DISC1: variants seen among roughly 807,000 people sequenced by gnomAD.
DISC1 encodes the protein DISC1 scaffold protein.
In DISC1, 57 loss-of-function variants were observed where a neutral mutation model predicts 84.5. That is an observed-to-expected ratio of 0.67 (90% confidence interval 0.55 to 0.84). DISC1 has a LOEUF of 0.84. DISC1 is among the 40% of genes least tolerant of loss of function. The probability of loss-of-function intolerance (pLI) is 0.00; values close to 1 mark genes in which losing one functional copy is unlikely to be tolerated. For missense variants in DISC1, 1,000 were observed against 1,057.8 expected (o/e 0.95, Z 0.76); for synonymous variants, 411 against 415.2 (o/e 0.99, Z 0.12).
intron 9 of DISC1, among the ~76,000 whole-genome samples, chr1:231,875,380 T>C (rs1199136723): frequency 6.6e-6 from 1 of 152,072 alleles, no homozygotes; most frequent in Admixed American, 6.6e-5. Context: ...CAGCCGAGTG[T>C]TAGACAGCCA....
At chr1:231,959,572 T>A in intron 10 of DISC1, 1 of 875,530 alleles carries the variant, frequency 1.1e-6, no homozygotes, top group Non-Finnish European at 1.4e-6. Context: ...GTTAAGTAAC[T>A]CTTTAGATAG....
chr1:231,900,152 G>C (rs1231643085), intron 9 of DISC1, among the ~76,000 whole-genome samples: 1 of 152,170 alleles, frequency 6.6e-6, no homozygotes, highest in Non-Finnish European at 1.5e-5. Context: ...TTTCAGCAGG[G>C]ACTATAGTTT....
intron 10 of DISC1, among the ~76,000 whole-genome samples, chr1:232,005,101 C>T (rs939447389): frequency 7.1e-6 from 1 of 140,950 alleles, no homozygotes; most frequent in African/African-American, 2.6e-5. Flanking sequence ...TCCTCCTTTC[C>T]TCCTTTTCTT....
At chr1:231,955,026 G>T (rs1659181983) in intron 9 of DISC1, among the ~76,000 whole-genome samples, 1 of 152,192 alleles carries the variant, frequency 6.6e-6, no homozygotes, top group East Asian at 1.9e-4. Context: ...CTGAGATGAG[G>T]CAAATACTTA....
At chr1:231,824,839 G>C (rs1344012588) in intron 9 of DISC1, among the ~76,000 whole-genome samples, 1 of 152,064 alleles carries the variant, frequency 6.6e-6, no homozygotes, top group Non-Finnish European at 1.5e-5. Flanking sequence ...TGCTTCATAT[G>C]TAATACTGTA....
At chr1:232,030,875 G>A (rs973586439) in intron 12 of DISC1, among the ~76,000 whole-genome samples, 34 of 152,140 alleles carry the variant, frequency 2.2e-4, no homozygotes, top group African/African-American at 8.0e-4. Flanking sequence ...CACTTTGGGA[G>A]GCTGAGGTGG....
intron 9 of DISC1, among the ~76,000 whole-genome samples, chr1:231,841,925 T>C (rs1244200031): frequency 6.6e-6 from 1 of 152,238 alleles, no homozygotes; most frequent in Non-Finnish European, 1.5e-5. Flanking sequence ...AGATATTTAA[T>C]TCTTTTTGCA....
chr1:231,768,203 G>T (rs1187274499), intron 5 of DISC1, among the ~76,000 whole-genome samples: 1 of 152,156 alleles, frequency 6.6e-6, no homozygotes, highest in Non-Finnish European at 1.5e-5. Flanking sequence ...AAGCATGAGT[G>T]GGGAGCGATG....
chr1:231,637,952 C>G (rs957984359), intron 1 of DISC1, among the ~76,000 whole-genome samples: 6 of 152,172 alleles, frequency 3.9e-5, no homozygotes, highest in African/African-American at 1.4e-4. Context: ...AATTTACATT[C>G]TCACCAATAG....
intron 9 of DISC1, among the ~76,000 whole-genome samples, chr1:231,820,535 G>A (rs1219926270): frequency 6.6e-6 from 1 of 152,118 alleles, no homozygotes; most frequent in Non-Finnish European, 1.5e-5. Context: ...AATAGTTGTG[G>A]AATGCAGCGT....
intron 4 of DISC1, among the ~76,000 whole-genome samples, chr1:231,759,551 A>AAAAAAAC (rs2075457158): frequency 7.2e-6 from 1 of 139,652 alleles, no homozygotes; most frequent in Non-Finnish European, 1.5e-5. Flanking sequence ...AAAAAAAAAA[A>AAAAAAAC]CAAAACTAGC....
intron 11 of DISC1, among the ~76,000 whole-genome samples, chr1:232,024,845 C>T (rs890111045): frequency 5.9e-5 from 9 of 152,124 alleles, no homozygotes; most frequent in Non-Finnish European, 1.2e-4. Context: ...CCGCCTCAGC[C>T]TCCCAAAGTG....
chr1:231,670,130 G>T (rs2062456241), intron 1 of DISC1, among the ~76,000 whole-genome samples: 1 of 152,274 alleles, frequency 6.6e-6, no homozygotes, highest in African/African-American at 2.4e-5. Context: ...AACACCGCAT[G>T]TTCTCACTTA....
At position 231,679,246 on chromosome 1, in the gene DISC1, C is replaced by T. The variant is rs568609332; in HGVS notation, c.68-14580C>T. Among the ~76,000 whole-genome samples, 33 of 152,278 alleles carry T rather than the reference C, an allele frequency of 2.2e-4. No homozygotes were observed. In the South Asian group the frequency reaches 5.0e-3, roughly 23 times the overall value. On this transcript the variant is annotated intron_variant, in intron 1 of 12. Coordinates refer to ENST00000439617, the MANE Select transcript of DISC1 (RefSeq NM_018662.3). ...GATTTTCTATTGGTTGGTTTCTGAC[C>T]GGGCGGGCACTTAGCTCCATGCTGG...
At chr1:231,901,372 C>T (rs2088160610) in intron 9 of DISC1, among the ~76,000 whole-genome samples, 1 of 152,134 alleles carries the variant, frequency 6.6e-6, no homozygotes. Flanking sequence ...TTTTGCTTGT[C>T]CATAATTTCC....
rs574780490 is a variant in DISC1, at chr1:231,639,112, G to C, written c.67+12178G>C. Among the ~76,000 whole-genome samples, 3 of 152,284 alleles carry C rather than the reference G, an allele frequency of 2.0e-5. No individual in the cohort carries two copies. In the South Asian group the frequency reaches 6.2e-4, roughly 32 times the overall value. ...GGAGTGGCTCTTGAAACATCACAGG[G>C]AGAGGATTAGGTAACGGTTGGGTTA... On this transcript the variant is annotated intron_variant, in intron 1 of 12. Transcript: ENST00000439617.
At chr1:231,660,775 T>C (rs1252220944) in intron 1 of DISC1, among the ~76,000 whole-genome samples, 1 of 152,112 alleles carries the variant, frequency 6.6e-6, no homozygotes, top group Non-Finnish European at 1.5e-5. Flanking sequence ...ATATTTAAGG[T>C]TAGTATTATT....
chr1:231,975,170 C>T (rs1413605018), intron 10 of DISC1, among the ~76,000 whole-genome samples: 1 of 152,162 alleles, frequency 6.6e-6, no homozygotes, highest in East Asian at 1.9e-4. Flanking sequence ...TATGAGAAAA[C>T]ATTTTGCAAA....
rs186663056 is a variant in DISC1, at chr1:232,036,268, C to G, written c.2426-424C>G. The stretch of plus-strand genomic sequence containing the variant: ...CTCCCTACTTATGGCAACCCCAAAT[C>G]CTGTATTTCTCAAGGAGATTTTGAT... On this transcript the variant is annotated intron_variant, in intron 12 of 12. Coordinates refer to ENST00000439617, the MANE Select transcript of DISC1 (RefSeq NM_018662.3). Among the ~76,000 whole-genome samples the G allele has an allele frequency of 1.9e-3, 287 of 152,282 alleles. 2 individuals carry two copies. The highest frequency in any genetic ancestry group is 0.018 in the Admixed American group (272 of 15,292).
Sources: gnomAD v4.1 joint callset for allele counts (sites outside exome capture counted in the v4.1 genomes callset) on GRCh38, gnomAD v4.1.1 for gene constraint, MANE v1.5 for transcripts, NCBI Gene and HGNC (gene_info 2026-07-23, HGNC 2026-07-21) for gene names.